Variants in LRRC1 observed in about 807,000 individuals in gnomAD.
LRRC1 encodes leucine-rich repeat-containing protein 1.
LRRC1 carries 28 observed loss-of-function variants against 69.9 expected under a neutral mutation model. The observed-to-expected ratio is 0.40, with a 90% CI of 0.30 to 0.55. The LOEUF (loss-of-function observed/expected upper bound fraction) is 0.55, where lower values mean the gene tolerates loss of function less well. Ranked by LOEUF, LRRC1 falls within the 20% of genes least tolerant of loss-of-function variation. The pLI is 0.47. For synonymous variants in LRRC1, 236 were observed against 240.2 expected, an observed-to-expected ratio of 0.98 and a Z score of 0.16; for missense variants, 498 against 609.0, an observed-to-expected ratio of 0.82 and a Z score of 1.92.
chr6:53,802,689 C>T (rs1440706694), intron 1 of LRRC1, among the ~76,000 whole-genome samples: 1 of 152,118 alleles, frequency 6.6e-6, no homozygotes, highest in Non-Finnish European at 1.5e-5. Flanking sequence ...ACCCTGGTAA[C>T]CCTGTGGGTT....
At chr6:53,892,039 CACACACACAT>C (rs1390590917) in intron 4 of LRRC1, among the ~76,000 whole-genome samples, 3 of 151,058 alleles carry the variant, frequency 2.0e-5, no homozygotes, top group Non-Finnish European at 4.4e-5. Flanking sequence ...CACACACACA[CACACACACAT>C]ACACATAAAA....
At position 53,922,899 on chromosome 6, in the gene LRRC1, C is replaced by G; in HGVS notation, c.*106C>G. On this transcript the variant is annotated 3_prime_UTR_variant, in exon 14 of 14. Transcript: ENST00000370888. ...CTCCTTGTCCTAACCAGCCCCCGCG[C>G]GCCATCTTCCCGTGGAGTGTGGGGA... The G allele has an allele frequency of 9.1e-7, 1 of 1,094,286 alleles. No homozygotes were observed. The highest frequency in any genetic ancestry group is 2.4e-5 in the East Asian group (1 of 41,850). 67.8% of individuals were successfully genotyped at this position (1,094,286 alleles called of 1,614,324 possible).
intron 4 of LRRC1, among the ~76,000 whole-genome samples, chr6:53,886,800 C>T (rs1420056742): frequency 6.6e-6 from 1 of 152,170 alleles, no homozygotes; most frequent in Non-Finnish European, 1.5e-5. Flanking sequence ...CCCAGACTTG[C>T]AGGTTGTACT....
intron 1 of LRRC1, among the ~76,000 whole-genome samples, chr6:53,829,473 G>A (rs147892051): frequency 6.6e-6 from 1 of 152,232 alleles, no homozygotes; most frequent in East Asian, 1.9e-4. Flanking sequence ...TCTCACTCAC[G>A]CATATGAGAT....
At chr6:53,845,425 C>T (rs550910848) in intron 2 of LRRC1, among the ~76,000 whole-genome samples, 17 of 152,202 alleles carry the variant, frequency 1.1e-4, no homozygotes, top group Non-Finnish European at 2.2e-4. Flanking sequence ...GCTGGAGAGG[C>T]GATGTGAGAA....
chr6:53,795,795 C>A (rs573911217), intron 1 of LRRC1, among the ~76,000 whole-genome samples: 9 of 152,346 alleles, frequency 5.9e-5, no homozygotes, highest in Non-Finnish European at 8.8e-5. Context: ...ATCCTCCCCC[C>A]CTCCACTCCC....
chr6:53,827,348 A>C (rs1765301935), intron 1 of LRRC1, among the ~76,000 whole-genome samples: 1 of 149,698 alleles, frequency 6.7e-6, no homozygotes, highest in African/African-American at 2.5e-5. Context: ...GTGTCATGTT[A>C]CTTCACTAGA....
intron 1 of LRRC1, among the ~76,000 whole-genome samples, chr6:53,800,568 A>C (rs1001475437): frequency 2.6e-5 from 4 of 151,378 alleles, no homozygotes; most frequent in African/African-American, 9.7e-5. Flanking sequence ...ATGTTTCTTA[A>C]ACTGGAGTTT....
chr6:53,833,444 A>C (rs1162662495), intron 1 of LRRC1, among the ~76,000 whole-genome samples: 1 of 152,252 alleles, frequency 6.6e-6, no homozygotes, highest in African/African-American at 2.4e-5. Context: ...AAACATTAAA[A>C]TATACCAGCA....
At chr6:53,861,889 TCC>T (rs1766538130) in intron 2 of LRRC1, among the ~76,000 whole-genome samples, 1 of 152,106 alleles carries the variant, frequency 6.6e-6, no homozygotes, top group African/African-American at 2.4e-5. Flanking sequence ...GAATCATAGA[TCC>T]TATTTGGAAA....
chr6:53,862,208 T>C (rs1766548458), intron 2 of LRRC1, among the ~76,000 whole-genome samples: 1 of 152,178 alleles, frequency 6.6e-6, no homozygotes, highest in African/African-American at 2.4e-5. Context: ...GAAAGATATG[T>C]ATCAGATGAA....
chr6:53,876,140 G>A (rs1562054987), intron 2 of LRRC1, among the ~76,000 whole-genome samples: 1 of 152,154 alleles, frequency 6.6e-6, no homozygotes. Context: ...CACAATCATG[G>A]TGGAAGACAA....
At chr6:53,908,589 A>T (rs1362970506) in intron 10 of LRRC1, among the ~76,000 whole-genome samples, 1 of 152,214 alleles carries the variant, frequency 6.6e-6, no homozygotes, top group Non-Finnish European at 1.5e-5. Context: ...TTCAAGATGG[A>T]GAAGTAATTC....
chr6:53,922,823 T>A lies in LRRC1; in HGVS notation c.*30T>A. On this transcript the variant is annotated 3_prime_UTR_variant, in exon 14 of 14. Transcript: ENST00000370888. ...TCACCTCCAAGTTTTACCTCCTGTGTCTTCCTCTGCTGTCGAGACGTTCCT... is the reference window on the plus strand; with the variant it reads ...TCACCTCCAAGTTTTACCTCCTGTGACTTCCTCTGCTGTCGAGACGTTCCT... 1 of 1,604,372 alleles carries A rather than the reference T, an allele frequency of 6.2e-7. No homozygotes were observed. Among genetic ancestry groups the A allele is most frequent in the Non-Finnish European group, 8.5e-7 (1 of 1,174,108 alleles).
chr6:53,833,955 G>A (rs1372261906), intron 1 of LRRC1, among the ~76,000 whole-genome samples: 1 of 152,154 alleles, frequency 6.6e-6, no homozygotes, highest in Non-Finnish European at 1.5e-5. Context: ...CTGTGTCTAT[G>A]AAAATTGTTC....
intron 2 of LRRC1, among the ~76,000 whole-genome samples, chr6:53,873,492 G>C (rs1470431303): frequency 6.6e-6 from 1 of 150,726 alleles, no homozygotes; most frequent in Non-Finnish European, 1.5e-5. Flanking sequence ...GTGGAGACAG[G>C]GTTTCACTGC....
At chr6:53,868,562 T>A (rs1169312749) in intron 2 of LRRC1, among the ~76,000 whole-genome samples, 1 of 152,158 alleles carries the variant, frequency 6.6e-6, no homozygotes, top group African/African-American at 2.4e-5. Context: ...TGGCCTTGAA[T>A]GGAAAACAGC....
chr6:53,855,728 A>G (rs1042449595), intron 2 of LRRC1, among the ~76,000 whole-genome samples: 9 of 152,208 alleles, frequency 5.9e-5, no homozygotes, highest in East Asian at 1.9e-4. Context: ...CTTTATCACA[A>G]TCACAGGGAG....
In LRRC1 at chr6:53,919,756, T is replaced by A. The variant is rs948367008; in HGVS notation, c.1279+86T>A. The A allele has an allele frequency of 4.8e-6, 6 of 1,237,804 alleles. No individual in the cohort carries two copies. The African/African-American group carries it at 7.6e-5, about 16-fold the overall frequency. The allele number at this position is 1,237,804 out of a possible 1,614,324, so 76.7% of individuals were successfully genotyped here. On this transcript the variant is annotated intron_variant, in intron 12 of 13. Transcript: ENST00000370888. ...GTCCATAAGGCCTCTTACTCCCTCA[T>A]GTGATTGTGTTATATCCAGTCTGCA...
Sources: allele counts gnomAD v4.1 joint callset (sites outside exome capture counted in the v4.1 genomes callset), GRCh38; gene constraint gnomAD v4.1.1; transcripts MANE v1.5; gene names NCBI Gene and HGNC (gene_info 2026-07-23, HGNC 2026-07-21).